OPCML: variants seen among roughly 807,000 people sequenced by gnomAD.
OPCML encodes the protein opioid-binding protein/cell adhesion molecule.
A neutral mutation model predicts 37.8 loss-of-function variants in OPCML; 13 were observed. The ratio of observed to expected loss-of-function variants is 0.34; its 90% CI spans 0.22 to 0.55. The LOEUF (loss-of-function observed/expected upper bound fraction) is 0.55. OPCML is among the 20% of genes least tolerant of loss of function. The pLI is 0.91. For synonymous variants in OPCML, 176 were observed against 168.8 expected (o/e 1.04, Z -0.33); for missense variants, 341 against 435.6 (o/e 0.78, Z 1.93).
At chr11:133,152,456 C>G (rs1324500627) in intron 1 of OPCML, among the ~76,000 whole-genome samples, 1 of 152,160 alleles carries the variant, frequency 6.6e-6, no homozygotes, top group African/African-American at 2.4e-5. Context: ...TCTGCATCCA[C>G]ATCGACCGGG....
At chr11:132,429,315 G>C (rs569331660) in intron 7 of OPCML, among the ~76,000 whole-genome samples, 5 of 152,186 alleles carry the variant, frequency 3.3e-5, no homozygotes, top group Non-Finnish European at 7.3e-5. Flanking sequence ...GTGGCAAACC[G>C]ACAGGAGTTG....
chr11:132,800,184 T>C (rs1294835310), intron 2 of OPCML, among the ~76,000 whole-genome samples: 1 of 152,200 alleles, frequency 6.6e-6, no homozygotes, highest in Non-Finnish European at 1.5e-5. Context: ...TAATTGTACA[T>C]GAAACTGCCT....
At chr11:133,289,561 C>G (rs1942409619) in intron 1 of OPCML, among the ~76,000 whole-genome samples, 1 of 141,420 alleles carries the variant, frequency 7.1e-6, no homozygotes, top group Non-Finnish European at 1.5e-5. Context: ...CGCCACTGCA[C>G]TCCAGCCTGG....
chr11:132,502,486 G>A (rs2096247675), intron 4 of OPCML, among the ~76,000 whole-genome samples: 1 of 152,078 alleles, frequency 6.6e-6, no homozygotes, highest in African/African-American at 2.4e-5. Context: ...CTTCTCTTAA[G>A]CTCCTGCTCT....
chr11:132,809,649 A>G (rs1472724177), intron 2 of OPCML, among the ~76,000 whole-genome samples: 6 of 152,138 alleles, frequency 3.9e-5, no homozygotes, highest in African/African-American at 1.4e-4. Context: ...TTAAAAAACT[A>G]AAAATTTTAA....
intron 2 of OPCML, among the ~76,000 whole-genome samples, chr11:132,874,844 C>T (rs545746239): frequency 7.9e-5 from 12 of 152,262 alleles, no homozygotes; most frequent in African/African-American, 2.6e-4. Flanking sequence ...AGTGAGTCAA[C>T]GTGTAAACAA....
chr11:133,503,979 T>A (rs1789489673), intron 1 of OPCML, among the ~76,000 whole-genome samples: 2 of 151,988 alleles, frequency 1.3e-5, no homozygotes, highest in Admixed American at 1.3e-4. Context: ...ACAAGAGAGC[T>A]CCAGATTCAG....
intron 1 of OPCML, among the ~76,000 whole-genome samples, chr11:133,202,479 G>A (rs1348405451): frequency 5.3e-5 from 8 of 152,196 alleles, no homozygotes; most frequent in Non-Finnish European, 7.4e-5. Context: ...CTATTCAACC[G>A]TCATATATCC....
At chr11:132,983,534 G>T (rs982692512) in intron 1 of OPCML, among the ~76,000 whole-genome samples, 3 of 151,988 alleles carry the variant, frequency 2.0e-5, no homozygotes, top group Non-Finnish European at 4.4e-5. Flanking sequence ...ATGCTGCTTT[G>T]TGCACTGTCT....
chr11:133,272,493 G>C (rs1941875066), intron 1 of OPCML, among the ~76,000 whole-genome samples: 1 of 152,156 alleles, frequency 6.6e-6, no homozygotes, highest in Non-Finnish European at 1.5e-5. Flanking sequence ...AGTATTCCCT[G>C]TCAGGGAGTT....
chr11:133,308,438 A>G (rs1374786677), intron 1 of OPCML, among the ~76,000 whole-genome samples: 1 of 152,216 alleles, frequency 6.6e-6, no homozygotes, highest in Non-Finnish European at 1.5e-5. Context: ...GAGGATTCAA[A>G]TAAGAAAAGG....
chr11:132,672,857 G>C (rs1486231256), intron 2 of OPCML, among the ~76,000 whole-genome samples: 1 of 151,994 alleles, frequency 6.6e-6, no homozygotes, highest in Non-Finnish European at 1.5e-5. Context: ...CCATGCTTAG[G>C]GGCCAACATA....
intron 1 of OPCML, among the ~76,000 whole-genome samples, chr11:133,404,444 A>G (rs1356556777): frequency 6.6e-6 from 1 of 152,230 alleles, no homozygotes; most frequent in East Asian, 1.9e-4. Flanking sequence ...ACCGTGTGCC[A>G]GGCATGCCTC....
chr11:133,295,062 G>A (rs60685135), intron 1 of OPCML, among the ~76,000 whole-genome samples: 7,391 of 151,736 alleles, frequency 0.049, 202 homozygotes, highest in Middle Eastern at 0.071. Context: ...GACCTCAGGC[G>A]ATCCACCTGC....
chr11:132,529,146 C>A lies in OPCML; in HGVS notation c.420G>T (p.Val140=). 2 of 1,613,348 alleles carry A rather than the reference C, an allele frequency of 1.2e-6. No individual in the cohort carries two copies. Among genetic ancestry groups the A allele is most frequent in the Non-Finnish European group, 1.7e-6 (2 of 1,179,558 alleles). Reference sequence around the variant, plus strand: ...GCAGGGTCACACTGCTTCCCTCATTCACAGTGATGTCTGAGGAGATATTCA... The same window carrying A: ...GCAGGGTCACACTGCTTCCCTCATTAACAGTGATGTCTGAGGAGATATTCA... The part of the protein sequence containing the change: ...QIMNISSDIT[V]NEGSSVTLLC... The change falls in exon 4 of 8, where the codon GTG becomes GTT. Residue 140 remains valine, a synonymous_variant. Coordinates refer to ENST00000524381, the MANE Select transcript of OPCML (RefSeq NM_001012393.5).
At chr11:132,601,690 G>A (rs548281734) in intron 3 of OPCML, among the ~76,000 whole-genome samples, 1 of 152,094 alleles carries the variant, frequency 6.6e-6, no homozygotes, top group African/African-American at 2.4e-5. Flanking sequence ...GCTAGGTATT[G>A]GTCCTTGAAG....
intron 1 of OPCML, among the ~76,000 whole-genome samples, chr11:133,405,332 G>A (rs1234264036): frequency 6.6e-6 from 1 of 152,216 alleles, no homozygotes; most frequent in East Asian, 1.9e-4. Context: ...GGCAGACTGT[G>A]TCTTGCGGCC....
chr11:133,217,650 A>G (rs2136354595), intron 1 of OPCML, among the ~76,000 whole-genome samples: 1 of 152,214 alleles, frequency 6.6e-6, no homozygotes, highest in East Asian at 1.9e-4. Context: ...TTCAGGGGAG[A>G]TGAGCAAGAT....
At chr11:132,865,807 G>A (rs1398298418) in intron 2 of OPCML, among the ~76,000 whole-genome samples, 1 of 152,124 alleles carries the variant, frequency 6.6e-6, no homozygotes, top group African/African-American at 2.4e-5. Context: ...ATTATTATTA[G>A]AAAAAACTCA....
Sources: gnomAD v4.1 joint callset for allele counts (sites outside exome capture counted in the v4.1 genomes callset) on GRCh38, gnomAD v4.1.1 for gene constraint, MANE v1.5 for transcripts, NCBI Gene and HGNC (gene_info 2026-07-23, HGNC 2026-07-21) for gene names.